Variants in GRHL2 observed in about 807,000 individuals in gnomAD.
GRHL2 encodes grainyhead-like protein 2 homolog.
Under a neutral mutation model 83.8 loss-of-function variants are expected in GRHL2, and 21 were observed. The ratio of observed to expected loss-of-function variants is 0.25; its 90% CI spans 0.18 to 0.36. The LOEUF (loss-of-function observed/expected upper bound fraction) is 0.36. Ranked by LOEUF, GRHL2 falls within the 10% of genes least tolerant of loss-of-function variation. The pLI is 1.00. For synonymous variants in GRHL2, 280 were observed against 278.9 expected (o/e 1.00, Z -0.04); for missense variants, 623 against 781.8 (o/e 0.80, Z 2.42).
chr8:101,561,260 A>G (rs1298555449), intron 4 of GRHL2, among the ~76,000 whole-genome samples: 2 of 152,194 alleles, frequency 1.3e-5, no homozygotes, highest in African/African-American at 4.8e-5. Flanking sequence ...AAAGAAAACC[A>G]CATAATAACT....
At chr8:101,672,848 T>G (rs1217758042), downstream of GRHL2, among the ~76,000 whole-genome samples, 1 of 151,772 alleles carries the variant, frequency 6.6e-6, no homozygotes, top group African/African-American at 2.4e-5. Context: ...GACTAACAGC[T>G]GATCTCTCGG....
intron 9 of GRHL2, among the ~76,000 whole-genome samples, chr8:101,629,337 G>A (rs1324854389): frequency 1.3e-5 from 2 of 151,366 alleles, no homozygotes; most frequent in African/African-American, 4.9e-5. Context: ...GTATTTTTAA[G>A]TTAAGGTATG....
At chr8:101,612,940 T>C (rs1030125616) in intron 8 of GRHL2, among the ~76,000 whole-genome samples, 7 of 150,684 alleles carry the variant, frequency 4.6e-5, no homozygotes, top group Non-Finnish European at 1.0e-4. Flanking sequence ...GTATGGGCGA[T>C]GAAGAGAGGA....
intron 11 of GRHL2, among the ~76,000 whole-genome samples, chr8:101,632,838 T>G (rs530227415): frequency 3.3e-5 from 5 of 152,178 alleles, no homozygotes; most frequent in African/African-American, 9.7e-5. Context: ...TCATTTCACA[T>G]CAAAAGAAAA....
At chr8:101,578,805 C>T (rs1412450039) in intron 7 of GRHL2, among the ~76,000 whole-genome samples, 4 of 152,198 alleles carry the variant, frequency 2.6e-5, no homozygotes, top group African/African-American at 4.8e-5. Flanking sequence ...TTCACCCTGG[C>T]TAGGACTTCT....
chr8:101,678,750 G>A, the GRHL2 span, among the ~76,000 whole-genome samples: 716 of 152,220 alleles, frequency 4.7e-3, 13 homozygotes, highest in Admixed American at 0.034. Context: ...CGGGCAGACT[G>A]CCTCCTCAAG....
intron 9 of GRHL2, among the ~76,000 whole-genome samples, chr8:101,623,180 T>C (rs1238661235): frequency 6.6e-6 from 1 of 152,252 alleles, no homozygotes; most frequent in Non-Finnish European, 1.5e-5. Flanking sequence ...TAGGGACATG[T>C]GGCATAGCAG....
intron 1 of GRHL2, among the ~76,000 whole-genome samples, chr8:101,506,705 AT>A (rs1323588247): frequency 2.0e-5 from 3 of 152,200 alleles, no homozygotes; most frequent in Non-Finnish European, 4.4e-5. Flanking sequence ...TTTTTAGGTC[AT>A]TGATACATAA....
intron 14 of GRHL2, among the ~76,000 whole-genome samples, chr8:101,662,440 G>C (rs1813941506): frequency 6.6e-6 from 1 of 152,222 alleles, no homozygotes; most frequent in African/African-American, 2.4e-5. Context: ...TGGAAGGGTG[G>C]GAATCTGTGA....
chr8:101,523,970 G>A (rs926166009), intron 1 of GRHL2, among the ~76,000 whole-genome samples: 4 of 152,096 alleles, frequency 2.6e-5, no homozygotes, highest in Admixed American at 6.6e-5. Flanking sequence ...CATCAGGTGC[G>A]TAATAGAATG....
rs781385697 is a variant in GRHL2 at position 101,570,351 on chromosome 8, G to T, written c.691G>T (p.Ala231Ser). The change falls in exon 5 of 16, where the codon GCT becomes TCT. Residue 231 changes from alanine (A) to serine (S), a missense_variant. By Grantham distance (99) the Ala-to-Ser change is moderately conservative. Transcript: ENST00000646743. ...TCATATTTTGCAGAAATTTCGGAGT[G>T]CTTCAGTTGGGGCTGAGGAGTACAT... ...KDAATEKFRS[A>S]SVGAEEYMYD... 1.2e-6 allele frequency: 2 copies of T among 1,613,870 alleles called. No homozygotes were observed. Among genetic ancestry groups the T allele is most frequent in the East Asian group, 4.5e-5 (2 of 44,870 alleles).
At chr8:101,524,150 A>G (rs1447955885) in intron 1 of GRHL2, among the ~76,000 whole-genome samples, 1 of 152,156 alleles carries the variant, frequency 6.6e-6, no homozygotes, top group Non-Finnish European at 1.5e-5. Context: ...AAATGTTCCC[A>G]TTTTGTCTGT....
intron 6 of GRHL2, among the ~76,000 whole-genome samples, chr8:101,576,593 T>C (rs73279201): frequency 0.054 from 8,235 of 152,166 alleles, 336 homozygotes; most frequent in East Asian, 0.18. Flanking sequence ...AAGAAGTGTT[T>C]TGGATGTGGA....
intron 4 of GRHL2, among the ~76,000 whole-genome samples, chr8:101,561,432 A>G (rs1217488704): frequency 6.6e-6 from 1 of 152,174 alleles, no homozygotes; most frequent in Non-Finnish European, 1.5e-5. Context: ...CTCATCCCCA[A>G]CATCCACAAC....
At chr8:101,666,126 A>G (rs16868172) in intron 15 of GRHL2, among the ~76,000 whole-genome samples, 7,899 of 152,320 alleles carry the variant, frequency 0.052, 224 homozygotes, top group Middle Eastern at 0.14. Context: ...ACACAAGGTC[A>G]TATTACATGC....
At chr8:101,662,283 T>C (rs1359856750) in intron 14 of GRHL2, among the ~76,000 whole-genome samples, 1 of 152,186 alleles carries the variant, frequency 6.6e-6, no homozygotes, top group Non-Finnish European at 1.5e-5. Context: ...GACTGTGAGG[T>C]AATCTCATCA....
chr8:101,637,071 G>A, intron 12 of GRHL2, 143 bp downstream of exon 12: 2 of 814,270 alleles, frequency 2.5e-6, no homozygotes, highest in South Asian at 1.4e-5. Flanking sequence ...GCTTGATTCT[G>A]GGGACCATCT....
chr8:101,657,563 G>A (rs1243974280), intron 14 of GRHL2, among the ~76,000 whole-genome samples: 8 of 152,248 alleles, frequency 5.3e-5, no homozygotes, highest in African/African-American at 1.2e-4. Context: ...AGAAAAGGCC[G>A]GGCGTAGTGG....
chr8:101,562,203 A>G (rs776400652), intron 4 of GRHL2: 1 of 610,144 alleles, frequency 1.6e-6, no homozygotes, highest in Admixed American at 2.1e-5. Context: ...GATTTCTTCA[A>G]CTCTCTTCAT....
Sources: gnomAD v4.1 joint callset for allele counts (sites outside exome capture counted in the v4.1 genomes callset) on GRCh38, gnomAD v4.1.1 for gene constraint, MANE v1.5 for transcripts, NCBI Gene and HGNC (gene_info 2026-07-23, HGNC 2026-07-21) for gene names.